Variants in GLIPR1L2 observed in about 807,000 individuals in gnomAD.
GLIPR1L2 encodes the protein GLIPR1-like protein 2.
Under a neutral mutation model 28.4 loss-of-function variants are expected in GLIPR1L2, and 21 were observed. That is an observed-to-expected ratio of 0.74 (90% CI 0.52 to 1.06). The LOEUF (loss-of-function observed/expected upper bound fraction) is 1.06, where lower values mean the gene tolerates loss of function less well. Among genes scored for constraint, GLIPR1L2 ranks in the 50% least tolerant of loss-of-function variants. GLIPR1L2 has a pLI of 0.00. For missense variants in GLIPR1L2, 476 were observed against 416.9 expected (o/e 1.14, Z -1.23); for synonymous variants, 145 against 139.3 (o/e 1.04, Z -0.29).
intron 4 of GLIPR1L2, among the ~76,000 whole-genome samples, chr12:75,429,732 C>G (rs1038215578): frequency 6.6e-6 from 1 of 152,052 alleles, no homozygotes; most frequent in Admixed American, 6.5e-5. Flanking sequence ...TTCCCCCATG[C>G]TGTTCTCATG....
At chr12:75,409,962 A>G (rs1413443578) in intron 1 of GLIPR1L2, among the ~76,000 whole-genome samples, 4 of 150,724 alleles carry the variant, frequency 2.7e-5, no homozygotes, top group Non-Finnish European at 5.9e-5. Flanking sequence ...AAAAATATAC[A>G]TAATTCTAAT....
In GLIPR1L2 at chr12:75,410,570, C is replaced by T. The variant is rs1193201844; in HGVS notation, c.371C>T (p.Pro124Leu). 6.2e-7 allele frequency: 1 copy of T among 1,612,216 alleles called. No individual in the cohort carries two copies. The highest frequency in any genetic ancestry group is 8.5e-7 in the Non-Finnish European group (1 of 1,178,902). ...ATTGGTGAAAATATGTGGGTCGGCC[C>T]TGAAAATGAATTTACTGCAAGTATT... Reference protein sequence around the residue: ...YGIGENMWVGPENEFTASIAI... With the variant: ...YGIGENMWVGLENEFTASIAI... Residue 124 changes from proline (P) to leucine (L), a missense_variant, in exon 2 of 6, where the codon CCT (proline) becomes CTT (leucine). Transcript: ENST00000550916.
chr12:75,419,010 TCGGGG>T, intron 3 of GLIPR1L2, among the ~76,000 whole-genome samples: 1 of 151,664 alleles, frequency 6.6e-6, no homozygotes, highest in Admixed American at 6.6e-5. Flanking sequence ...CTGGGGCCTG[TCGGGG>T]TGGGGTGCGA....
At chr12:75,412,652 C>T (rs971338824) in intron 2 of GLIPR1L2, among the ~76,000 whole-genome samples, 6 of 152,250 alleles carry the variant, frequency 3.9e-5, no homozygotes, top group Admixed American at 3.9e-4. Context: ...GAGATACCAT[C>T]TCACACCAGT....
intron 1 of GLIPR1L2, among the ~76,000 whole-genome samples, chr12:75,395,327 T>G (rs2045671766): frequency 1.3e-5 from 2 of 152,026 alleles, no homozygotes; most frequent in African/African-American, 4.8e-5. Flanking sequence ...AATTCAGCTG[T>G]TTTTAATGTG....
intron 3 of GLIPR1L2, among the ~76,000 whole-genome samples, chr12:75,421,803 TG>T (rs2045978721): frequency 6.6e-6 from 1 of 152,194 alleles, no homozygotes; most frequent in Non-Finnish European, 1.5e-5. Context: ...TATAAATTTA[TG>T]TGTTTTTATA....
At chr12:75,430,203 G>T (rs7300308) in intron 4 of GLIPR1L2, among the ~76,000 whole-genome samples, 79,693 of 151,876 alleles carry the variant, frequency 0.52, 21,037 homozygotes, top group East Asian at 0.58. Context: ...CTAAAAACTA[G>T]TATTATCTCA....
intron 1 of GLIPR1L2, among the ~76,000 whole-genome samples, chr12:75,396,164 A>AT (rs2045679622): frequency 6.6e-6 from 1 of 151,398 alleles, no homozygotes; most frequent in Non-Finnish European, 1.5e-5. Flanking sequence ...TTATTATTTC[A>AT]TTTTTTAAAT....
Position 75,431,718 on chromosome 12 carries a change from G to T in GLIPR1L2, c.*557G>T, listed in dbSNP as rs2046094344. 6.6e-6 allele frequency: 1 copy of T among 151,910 alleles called. No individual in the cohort carries two copies. Among genetic ancestry groups the T allele is most frequent in the African/African-American group, 2.4e-5 (1 of 41,376 alleles). 9.4% of individuals were successfully genotyped at this position (151,910 alleles called of 1,614,324 possible). A position where few individuals can be genotyped will look rare whatever the true frequency, so the allele number is the denominator to read the frequency against. ...AAGTGGTACCTGTACATCCTGCTAG[G>T]ATGCAAACTTATTATTTATAATTAA... On this transcript the variant is annotated 3_prime_UTR_variant, in exon 6 of 6. Coordinates refer to ENST00000550916, the MANE Select transcript of GLIPR1L2 (RefSeq NM_001270396.2).
intron 3 of GLIPR1L2, among the ~76,000 whole-genome samples, chr12:75,420,455 G>A (rs564811846): frequency 6.6e-6 from 1 of 152,308 alleles, no homozygotes; most frequent in East Asian, 1.9e-4. Context: ...CAGGTAACAT[G>A]TCCTTATCTA....
At chr12:75,419,950 C>T (rs1215575563) in intron 3 of GLIPR1L2, among the ~76,000 whole-genome samples, 1 of 152,208 alleles carries the variant, frequency 6.6e-6, no homozygotes, top group Non-Finnish European at 1.5e-5. Flanking sequence ...TTCCTTGCTG[C>T]TGCCTACACT....
chr12:75,413,454 C>G, intron 2 of GLIPR1L2, 144 bp from the exon 3 acceptor site: 1 of 519,738 alleles, frequency 1.9e-6, no homozygotes, highest in South Asian at 3.3e-5. Flanking sequence ...TGGTAACTCT[C>G]TACATGTCTC....
intron 1 of GLIPR1L2, among the ~76,000 whole-genome samples, chr12:75,394,086 C>T (rs1019196687): frequency 1.3e-5 from 2 of 151,992 alleles, no homozygotes; most frequent in South Asian, 2.1e-4. Context: ...CTATTCAAGT[C>T]GTTTGCACAT....
At chr12:75,416,619 A>C (rs1174562154) in intron 3 of GLIPR1L2, among the ~76,000 whole-genome samples, 1 of 152,114 alleles carries the variant, frequency 6.6e-6, no homozygotes, top group Admixed American at 6.6e-5. Flanking sequence ...TGAGAAATTG[A>C]GGAAGGAGAA....
intron 1 of GLIPR1L2, among the ~76,000 whole-genome samples, chr12:75,408,404 T>A (rs2045825908): frequency 6.7e-6 from 1 of 149,956 alleles, no homozygotes; most frequent in Non-Finnish European, 1.5e-5. Flanking sequence ...AACCTCTTTG[T>A]GTTTTAGTTA....
At chr12:75,404,180 A>G (rs1403369197) in intron 1 of GLIPR1L2, among the ~76,000 whole-genome samples, 1 of 152,110 alleles carries the variant, frequency 6.6e-6, no homozygotes, top group Non-Finnish European at 1.5e-5. Context: ...TTTAGAATGG[A>G]CTATAAGATC....
chr12:75,427,819 C>A (rs1452863711), intron 4 of GLIPR1L2, among the ~76,000 whole-genome samples: 2 of 152,162 alleles, frequency 1.3e-5, no homozygotes. Flanking sequence ...GCCTCTCCTG[C>A]CACCATGTAA....
At chr12:75,398,468 T>G (rs1242890819) in intron 1 of GLIPR1L2, among the ~76,000 whole-genome samples, 1 of 152,164 alleles carries the variant, frequency 6.6e-6, no homozygotes, top group Non-Finnish European at 1.5e-5. Context: ...TTTATGGGTT[T>G]GTAATATTAG....
chr12:75,421,729 C>G (rs2045977818), intron 3 of GLIPR1L2, among the ~76,000 whole-genome samples: 1 of 152,054 alleles, frequency 6.6e-6, no homozygotes, highest in African/African-American at 2.4e-5. Flanking sequence ...TTTCTTCTCT[C>G]TTTAGCTCTG....
Sources: allele counts gnomAD v4.1 joint callset (sites outside exome capture counted in the v4.1 genomes callset), GRCh38; gene constraint gnomAD v4.1.1; transcripts MANE v1.5; gene names NCBI Gene and HGNC (gene_info 2026-07-23, HGNC 2026-07-21).